The following LRRC3C variants were observed in gnomAD, a reference collection of about 807,000 sequenced individuals.
LRRC3C encodes leucine-rich repeat-containing protein 3C.
A neutral mutation model predicts 14.8 loss-of-function variants in LRRC3C; 11 were observed. That is an observed-to-expected ratio of 0.74 (90% CI 0.47 to 1.23). The LOEUF (loss-of-function observed/expected upper bound fraction) is 1.23, where lower values mean the gene tolerates loss of function less well. Among genes scored for constraint, LRRC3C ranks in the 50% most tolerant of loss-of-function variants. The pLI is 0.00. For synonymous variants in LRRC3C, 149 were observed against 161.5 expected (o/e 0.92, Z 0.59); for missense variants, 354 against 361.8 (o/e 0.98, Z 0.18).
rs540602017 is a variant in LRRC3C at position 39,944,491 on chromosome 17, C to G, written c.585C>G (p.Leu195=). The G allele has an allele frequency of 2.4e-4, 309 of 1,282,160 alleles. No homozygotes were observed. Among genetic ancestry groups the G allele is most frequent in the Non-Finnish European group, 3.0e-4 (300 of 991,722 alleles). 79.4% of individuals were successfully genotyped at this position (1,282,160 alleles called of 1,614,324 possible). The change falls in exon 4 of 4, where the codon CTC becomes CTG. Residue 195 remains leucine (L), a synonymous_variant. Coordinates refer to ENST00000377924, the MANE Select transcript of LRRC3C (RefSeq NM_001195545.2). ...IVCGSGARPD[L]VGQEFLLLAG... ...GTGGCTCAGGAGCCCGACCGGACCT[C>G]GTGGGGCAGGAGTTCCTGCTGCTGG...
intron 1 of LRRC3C, among the ~76,000 whole-genome samples, chr17:39,933,387 T>TGTTCCTGGGATG (rs1978703452): frequency 6.6e-6 from 1 of 152,002 alleles, no homozygotes. Context: ...ACAAGGAACA[T>TGTTCCTGGGATG]GTTCCTGGGA....
intron 1 of LRRC3C, among the ~76,000 whole-genome samples, chr17:39,932,832 AT>A (rs1978687563): frequency 6.6e-6 from 1 of 151,422 alleles, no homozygotes; most frequent in Admixed American, 6.6e-5. Flanking sequence ...CAGGTGGATC[AT>A]CTGAGGTCAG....
chr17:39,940,826 C>T (rs573761176), intron 2 of LRRC3C, among the ~76,000 whole-genome samples: 2 of 152,254 alleles, frequency 1.3e-5, no homozygotes, highest in Non-Finnish European at 2.9e-5. Flanking sequence ...GGTGAAACCT[C>T]TGCTTCCTGG....
At chr17:39,943,586 T>C (rs766911217) in intron 3 of LRRC3C, among the ~76,000 whole-genome samples, 12 of 152,076 alleles carry the variant, frequency 7.9e-5, no homozygotes, top group Non-Finnish European at 1.3e-4. Flanking sequence ...GGAAGAAGAC[T>C]TTATTCCAAT....
At position 39,943,008 on chromosome 17, in the gene LRRC3C, G is replaced by A. The variant is rs74997452; in HGVS notation, c.27-925G>A. Among the ~76,000 whole-genome samples the A allele has an allele frequency of 5.1e-4, 77 of 152,276 alleles. 2 individuals are homozygous for A. The East Asian group carries it at 0.014, about 29-fold the overall frequency. ...ATGGCAGCATCAAGGCCTTGGGAGG[G>A]GAGCCTGGTGCAGGGAATGGAATTG... On this transcript the variant is annotated intron_variant, in intron 3 of 3. Coordinates refer to ENST00000377924, the MANE Select transcript of LRRC3C (RefSeq NM_001195545.2).
In LRRC3C at chr17:39,941,563, C is replaced by T. The variant is rs1342275182; in HGVS notation, c.26+14C>T. The T allele has an allele frequency of 2.0e-6, 3 of 1,534,772 alleles. No individual in the cohort carries two copies. Among genetic ancestry groups the T allele is most frequent in the East Asian group, 2.4e-5 (1 of 40,900 alleles). ...ATCTTCCTTCGTGTAAGTATATCCA[C>T]CCCTAGTCTCTGTGACACCCCACTC... On this transcript the variant is annotated intron_variant, in intron 3 of 3. Coordinates refer to ENST00000377924, the MANE Select transcript of LRRC3C (RefSeq NM_001195545.2).
chr17:39,941,527 C>G lies in LRRC3C; in HGVS notation c.4C>G (p.Arg2Gly). The G allele has an allele frequency of 6.5e-7, 1 of 1,535,670 alleles. No homozygotes were observed. The highest frequency in any genetic ancestry group is 8.7e-7 in the Non-Finnish European group (1 of 1,146,684). The change falls in exon 3 of 4, where the codon CGT becomes GGT. Residue 2 changes from arginine to glycine, a missense_variant. Coordinates refer to ENST00000377924, the MANE Select transcript of LRRC3C (RefSeq NM_001195545.2). ...ATCCTTCTCAGAAAGGTCTCCAATGCGTATGACCTCATCTTCCTTCGTGTA... is the reference window on the plus strand; with the variant it reads ...ATCCTTCTCAGAAAGGTCTCCAATGGGTATGACCTCATCTTCCTTCGTGTA... The part of the protein sequence containing the change: M[R>G]MTSSSFVSYC...
At chr17:39,929,491 T>G (rs1176860569) in intron 1 of LRRC3C, 1 of 152,210 alleles carries the variant, frequency 6.6e-6, no homozygotes, top group African/African-American at 2.4e-5. Context: ...CCTTCTCTCT[T>G]GGCCCTCATA....
intron 2 of LRRC3C, 57 bp downstream of exon 2, chr17:39,935,951 C>G: frequency 2.1e-6 from 2 of 932,488 alleles, no homozygotes; most frequent in Non-Finnish European, 2.6e-6. Context: ...ATCTATCTAT[C>G]TTTTTCCTTT....
chr17:39,938,299 T>C (rs540404498), intron 2 of LRRC3C, among the ~76,000 whole-genome samples: 1 of 152,314 alleles, frequency 6.6e-6, no homozygotes, highest in East Asian at 1.9e-4. Context: ...GTTGCTGGTG[T>C]TGGTTGAGTA....
In LRRC3C at chr17:39,936,667, A is replaced by AAAAT. The variant is rs1555653336; in HGVS notation, c.-82+773_-82+774insAAAT. Among the ~76,000 whole-genome samples, 35 of 144,032 alleles carry AAAAT rather than the reference A, an allele frequency of 2.4e-4. 1 individual carries two copies. Among genetic ancestry groups the AAAAT allele is most frequent in the African/African-American group, 7.5e-4 (29 of 38,588 alleles). 94.5% of individuals were successfully genotyped at this position (144,032 alleles called of 152,430 possible). A position where few individuals can be genotyped will look rare whatever the true frequency, so the allele number is the denominator to read the frequency against. The stretch of plus-strand genomic sequence containing the variant: ...AAAAATACAAAAAAAAAAAAAAAAA[A>AAAAT]TATCTGGGCATGGTGGCATGCACCT... On this transcript the variant is annotated intron_variant, in intron 2 of 3. Coordinates refer to ENST00000377924, the MANE Select transcript of LRRC3C (RefSeq NM_001195545.2).
intron 3 of LRRC3C, among the ~76,000 whole-genome samples, chr17:39,943,253 C>T (rs531566621): frequency 6.6e-6 from 1 of 152,182 alleles, no homozygotes; most frequent in East Asian, 1.9e-4. Context: ...AGCAGGGAGC[C>T]TACGTCCAGG....
At chr17:39,940,591 T>A (rs1193687662) in intron 2 of LRRC3C, among the ~76,000 whole-genome samples, 2 of 145,672 alleles carry the variant, frequency 1.4e-5, no homozygotes, top group Non-Finnish European at 3.0e-5. Flanking sequence ...TATTTTTCTT[T>A]TTGTAGAAAG....
chr17:39,938,166 G>T (rs1254319097), intron 2 of LRRC3C, among the ~76,000 whole-genome samples: 1 of 152,120 alleles, frequency 6.6e-6, no homozygotes. Context: ...CCAGACACAT[G>T]CCACATGGGT....
Position 39,943,988 on chromosome 17 carries a change from C to T in LRRC3C, c.82C>T (p.His28Tyr). 1 of 1,536,136 alleles carries T rather than the reference C, an allele frequency of 6.5e-7. No homozygotes were observed. The highest frequency in any genetic ancestry group is 8.7e-7 in the Non-Finnish European group (1 of 1,146,896). Reference sequence around the variant, plus strand: ...TATGGCCATGCTCCCAACAGCAGGTCACCTCCTGCCCCTCCTGCTGGTGAT... The same window carrying T: ...TATGGCCATGCTCCCAACAGCAGGTTACCTCCTGCCCCTCCTGCTGGTGAT... Reference protein sequence around the residue: ...QFMAMLPTAGHLLPLLLVIGT... With the variant: ...QFMAMLPTAGYLLPLLLVIGT... The change falls in exon 4 of 4, where the codon CAC becomes TAC. Residue 28 changes from histidine to tyrosine, a missense_variant. Physicochemically the swap from His to Tyr is moderately conservative, Grantham distance 83. Coordinates refer to ENST00000377924, the MANE Select transcript of LRRC3C (RefSeq NM_001195545.2).
chr17:39,934,560 C>T (rs1978745433), intron 1 of LRRC3C: 1 of 152,204 alleles, frequency 6.6e-6, no homozygotes. Flanking sequence ...AACCACCTCC[C>T]CCTGGGCTGC....
At chr17:39,933,665 G>T (rs1268914124) in intron 1 of LRRC3C, among the ~76,000 whole-genome samples, 2 of 152,088 alleles carry the variant, frequency 1.3e-5, no homozygotes, top group Non-Finnish European at 2.9e-5. Context: ...CCCGGGAGGC[G>T]GAGCTTGCAG....
At position 39,932,579 on chromosome 17, in the gene LRRC3C, G is replaced by A. The variant is rs187146445; in HGVS notation, c.-174-3223G>A. 1.4e-3 allele frequency among the ~76,000 whole-genome samples: 174 copies of A among 127,378 alleles called. 2 individuals are homozygous for A. Among genetic ancestry groups the A allele is most frequent in the African/African-American group, 4.9e-3 (163 of 33,382 alleles). 83.6% of individuals were successfully genotyped at this position (127,378 alleles called of 152,430 possible). ...TATAAAAAACAAAAATAAATTAGCC[G>A]GGCATGGTGGCATGTTCCCGTAGTC... On this transcript the variant is annotated intron_variant, in intron 1 of 3. Transcript: ENST00000377924.
intron 1 of LRRC3C, 84 bp from the exon 2 acceptor site, chr17:39,935,718 C>A: frequency 1.6e-6 from 1 of 606,166 alleles, no homozygotes; most frequent in Non-Finnish European, 2.1e-6. Flanking sequence ...AGTACATGCT[C>A]AGATATGTGT....
Sources: gnomAD v4.1 joint callset for allele counts (sites outside exome capture counted in the v4.1 genomes callset) on GRCh38, gnomAD v4.1.1 for gene constraint, MANE v1.5 for transcripts, NCBI Gene and HGNC (gene_info 2026-07-23, HGNC 2026-07-21) for gene names.